Variants in NFATC2 observed in about 807,000 individuals in gnomAD.
NFATC2 encodes nuclear factor of activated T-cells, cytoplasmic 2.
Under a neutral mutation model 87.3 loss-of-function variants are expected in NFATC2, and 22 were observed. That is an observed-to-expected ratio of 0.25 (90% CI 0.18 to 0.36). The LOEUF is 0.36. NFATC2 is among the 10% of genes least tolerant of loss of function. The pLI, the probability that NFATC2 is intolerant of heterozygous loss-of-function variation, is 1.00. For missense variants in NFATC2, 1,149 were observed against 1,259.1 expected (o/e 0.91, Z 1.32); for synonymous variants, 565 against 542.2 (o/e 1.04, Z -0.58).
intron 9 of NFATC2, among the ~76,000 whole-genome samples, chr20:51,418,741 C>T (rs765710710): frequency 6.7e-6 from 1 of 149,516 alleles, no homozygotes; most frequent in Admixed American, 6.7e-5. Flanking sequence ...CGTCTCACTG[C>T]AACCTCTGCC....
In NFATC2 at chr20:51,542,599, G is replaced by A. The variant is rs951443248; in HGVS notation, c.-100C>T. The A allele has an allele frequency of 1.9e-5, 23 of 1,238,034 alleles. 1 individual carries two copies. The highest frequency in any genetic ancestry group is 1.8e-5 in the Non-Finnish European group (18 of 986,604). The allele number at this position is 1,238,034 out of a possible 1,614,324, so 76.7% of individuals were successfully genotyped here. A position where few individuals can be genotyped will look rare whatever the true frequency, so the allele number is the denominator to read the frequency against. On this transcript the variant is annotated 5_prime_UTR_variant, in exon 1 of 11. Transcript: ENST00000371564. ...GGCTGGCGGAGGCGGCTCGAGCGGC[G>A]GGGTCCCTTTCCTCGTAGGGACGCA...
chr20:51,418,656 TTGG>T (rs1217942955), intron 9 of NFATC2, among the ~76,000 whole-genome samples: 6 of 148,772 alleles, frequency 4.0e-5, no homozygotes, highest in East Asian at 2.0e-4. Context: ...TGTTGTTTGT[TTGG>T]TTTTTTTTTT....
chr20:51,410,083 G>A lies in NFATC2; in HGVS notation c.2723-11353C>T, dbSNP rs570906421. Among the ~76,000 whole-genome samples, 21 of 152,060 alleles carry A rather than the reference G, an allele frequency of 1.4e-4. No homozygotes were observed. The East Asian group carries it at 2.9e-3, about 21-fold the overall frequency. ...AAATTAGCCAGGCGTGGTGGCGGGC[G>A]CCTGTAGTCCCACCTACCTGGCAGG... On this transcript the variant is annotated intron_variant, in intron 9 of 10. Transcript: ENST00000371564.
intron 5 of NFATC2, among the ~76,000 whole-genome samples, chr20:51,472,598 T>C (rs999743845): frequency 6.6e-6 from 1 of 151,586 alleles, no homozygotes; most frequent in African/African-American, 2.4e-5. Context: ...TTTTTGTTTC[T>C]GGAACAATGC....
At chr20:51,499,657 C>T (rs184793681) in intron 3 of NFATC2, among the ~76,000 whole-genome samples, 1 of 151,458 alleles carries the variant, frequency 6.6e-6, no homozygotes. Context: ...GCAGGAGAAT[C>T]GCTTGAATCC....
intron 1 of NFATC2, among the ~76,000 whole-genome samples, chr20:51,538,847 T>C (rs6021276): frequency 0.7 from 105,799 of 152,032 alleles, 37,857 homozygotes; most frequent in African/African-American, 0.88. Flanking sequence ...TCCAGAGAGA[T>C]GAGATGACTT....
In NFATC2 at chr20:51,496,948, C is replaced by T. The variant is rs138973556; in HGVS notation, c.1332+19836G>A. Among the ~76,000 whole-genome samples, 541 of 152,330 alleles carry T rather than the reference C, an allele frequency of 3.6e-3. 4 individuals are homozygous for T. The highest frequency in any genetic ancestry group is 0.012 in the African/African-American group (516 of 41,574). On this transcript the variant is annotated intron_variant, in intron 3 of 10. Transcript: ENST00000371564. The stretch of plus-strand genomic sequence containing the variant: ...GCATTGCTGCCTATCCTGGCTGCCG[C>T]GACAGCCCTGGAAGGCCCCAGGCAG...
At chr20:51,501,407 T>G (rs921249903) in intron 3 of NFATC2, among the ~76,000 whole-genome samples, 2 of 152,184 alleles carry the variant, frequency 1.3e-5, no homozygotes, top group African/African-American at 2.4e-5. Context: ...AAAAACCTCA[T>G]TCACCATCAA....
At chr20:51,554,511 G>T (rs1031187941) in intron 1 of NFATC2, among the ~76,000 whole-genome samples, 27 of 152,178 alleles carry the variant, frequency 1.8e-4, no homozygotes, top group Admixed American at 1.8e-3. Flanking sequence ...CTGGAGGAAA[G>T]AAATAAATTG....
At chr20:51,431,941 A>T in intron 9 of NFATC2, 126 bp downstream of exon 9, 1 of 1,028,848 alleles carries the variant, frequency 9.7e-7, no homozygotes, top group Non-Finnish European at 1.4e-6. Context: ...CAACCTCCTT[A>T]AATTAAAATG....
At chr20:51,534,942 T>C (rs1192165741) in intron 1 of NFATC2, among the ~76,000 whole-genome samples, 2 of 151,912 alleles carry the variant, frequency 1.3e-5, no homozygotes, top group Admixed American at 1.3e-4. Context: ...TAGTCCTTTC[T>C]TTTTTATTGC....
intron 1 of NFATC2, among the ~76,000 whole-genome samples, chr20:51,534,257 G>C (rs1420090061): frequency 6.6e-6 from 1 of 152,050 alleles, no homozygotes; most frequent in Non-Finnish European, 1.5e-5. Context: ...GGGGGCCAGG[G>C]GGAGGGGCAG....
At chr20:51,405,297 C>T (rs1232636946) in intron 9 of NFATC2, among the ~76,000 whole-genome samples, 2 of 152,162 alleles carry the variant, frequency 1.3e-5, no homozygotes, top group African/African-American at 2.4e-5. Context: ...CCACATGCAA[C>T]GCGAGGCCAA....
chr20:51,521,572 C>T (rs375022375), intron 2 of NFATC2, among the ~76,000 whole-genome samples: 4 of 152,206 alleles, frequency 2.6e-5, no homozygotes, highest in South Asian at 2.1e-4. Flanking sequence ...TCGCCCACCT[C>T]GGCCTCCCAA....
At position 51,432,808 on chromosome 20, in the gene NFATC2, G is replaced by A. The variant is rs1982972621; in HGVS notation, c.2033-52C>T. 2.1e-6 allele frequency: 3 copies of A among 1,456,406 alleles called. No homozygotes were observed. The highest frequency in any genetic ancestry group is 2.8e-5 in the African/African-American group (2 of 70,400). 90.2% of individuals were successfully genotyped at this position (1,456,406 alleles called of 1,614,324 possible). A position where few individuals can be genotyped will look rare whatever the true frequency, so the allele number is the denominator to read the frequency against. On this transcript the variant is annotated intron_variant, in intron 8 of 10. Transcript: ENST00000371564. The surrounding 1 kb of genome is among the most constrained non-coding windows in gnomAD (Gnocchi z 4.6). The stretch of plus-strand genomic sequence containing the variant: ...GCGCCCATGGCAGTGAGCCACGGAT[G>A]TGCACGGAGGATTCGTGGATGGTGC...
chr20:51,402,212 A>C (rs1988118177), intron 9 of NFATC2, among the ~76,000 whole-genome samples: 1 of 152,236 alleles, frequency 6.6e-6, no homozygotes. Context: ...GGAAGGACTA[A>C]CCAACTGTGT....
At chr20:51,444,607 GAGC>G (rs760354489) in intron 6 of NFATC2, among the ~76,000 whole-genome samples, 1 of 152,172 alleles carries the variant, frequency 6.6e-6, no homozygotes, top group Non-Finnish European at 1.5e-5. Context: ...CCCGGGCTGT[GAGC>G]ATGCCACTGG....
Position 51,391,477 on chromosome 20 carries a change from G to GA in NFATC2, c.*45-27_*45-26insT, listed in dbSNP as rs1161984253. On this transcript the variant is annotated intron_variant, in intron 10 of 10. Coordinates refer to ENST00000371564, the MANE Select transcript of NFATC2 (RefSeq NM_012340.5). ...CTACAAAAGAAAAGAGGAGGGGGGG[G>GA]GAGAGAGAATGGGGCAAGTGAGAGG... 1.5e-5 allele frequency: 24 copies of GA among 1,576,060 alleles called. 1 individual carries two copies. The highest frequency in any genetic ancestry group is 1.9e-5 in the Non-Finnish European group (22 of 1,152,078).
intron 9 of NFATC2, among the ~76,000 whole-genome samples, chr20:51,415,450 A>G (rs1297260553): frequency 6.6e-6 from 1 of 152,058 alleles, no homozygotes; most frequent in Non-Finnish European, 1.5e-5. Context: ...CTGAAGACAG[A>G]TGAGGCTTAT....
Sources: allele counts gnomAD v4.1 joint callset (sites outside exome capture counted in the v4.1 genomes callset), GRCh38; gene constraint gnomAD v4.1.1; non-coding constraint Gnocchi (gnomAD v3.1); transcripts MANE v1.5; gene names NCBI Gene and HGNC (gene_info 2026-07-23, HGNC 2026-07-21).